The following TMEM108 variants were observed in gnomAD, a reference collection of about 807,000 sequenced individuals.
The protein encoded by TMEM108 is cancer/testis antigen 124.
A neutral mutation model predicts 35.1 loss-of-function variants in TMEM108; 12 were observed. That is an observed-to-expected ratio of 0.34 (90% confidence interval 0.22 to 0.55). The LOEUF (loss-of-function observed/expected upper bound fraction) is 0.55, where lower values mean the gene tolerates loss of function less well. TMEM108 is among the 20% of genes least tolerant of loss of function. The pLI is 0.89. For missense variants in TMEM108, 680 were observed against 753.3 expected, an observed-to-expected ratio of 0.90 and a Z score of 1.14; for synonymous variants, 287 against 308.6, an observed-to-expected ratio of 0.93 and a Z score of 0.73.
chr3:133,201,178 G>A (rs77976206), intron 2 of TMEM108, among the ~76,000 whole-genome samples: 2,284 of 152,160 alleles, frequency 0.015, 75 homozygotes, highest in African/African-American at 0.051. Context: ...TATATCCACA[G>A]CTTAAGCCTG....
chr3:133,111,076 A>G (rs1293680810), intron 2 of TMEM108, among the ~76,000 whole-genome samples: 2 of 152,182 alleles, frequency 1.3e-5, no homozygotes, highest in Non-Finnish European at 2.9e-5. Context: ...ATGTGTGCTC[A>G]TATCCTGTCT....
chr3:133,293,015 G>C (rs1461590006), intron 3 of TMEM108, among the ~76,000 whole-genome samples: 1 of 152,176 alleles, frequency 6.6e-6, no homozygotes, highest in Non-Finnish European at 1.5e-5. Flanking sequence ...TGAGAGAAAA[G>C]AGTAACATTC....
chr3:133,134,011 C>G (rs1469367548), intron 2 of TMEM108, among the ~76,000 whole-genome samples: 1 of 151,998 alleles, frequency 6.6e-6, no homozygotes, highest in Non-Finnish European at 1.5e-5. Flanking sequence ...ATCCACCCAC[C>G]TCAGCCTCCC....
intron 3 of TMEM108, among the ~76,000 whole-genome samples, chr3:133,344,001 C>G (rs985832209): frequency 2.0e-5 from 3 of 151,814 alleles, no homozygotes; most frequent in African/African-American, 7.2e-5. Context: ...AGTGCCATCC[C>G]CCTGCACTCT....
chr3:133,172,715 G>T (rs1945148115), intron 2 of TMEM108, among the ~76,000 whole-genome samples: 1 of 152,176 alleles, frequency 6.6e-6, no homozygotes, highest in African/African-American at 2.4e-5. Flanking sequence ...AAAAGGACTT[G>T]CAATCTGATT....
chr3:133,259,703 C>T (rs993384618), intron 3 of TMEM108, among the ~76,000 whole-genome samples: 13 of 152,114 alleles, frequency 8.5e-5, no homozygotes, highest in African/African-American at 2.9e-4. Flanking sequence ...CTTTGGGTCC[C>T]GATACAGGGC....
intron 2 of TMEM108, among the ~76,000 whole-genome samples, chr3:133,148,211 A>T (rs767393594): frequency 6.6e-6 from 1 of 152,172 alleles, no homozygotes; most frequent in African/African-American, 2.4e-5. Flanking sequence ...TGATTCTAAG[A>T]CTGGGAGAGG....
intron 2 of TMEM108, among the ~76,000 whole-genome samples, chr3:133,223,069 A>G (rs112872244): frequency 2.1e-4 from 32 of 152,254 alleles, no homozygotes; most frequent in African/African-American, 6.5e-4. Flanking sequence ...TTTGTTAGGC[A>G]GTTTATAAGT....
chr3:133,116,272 T>C (rs1944286929), intron 2 of TMEM108, among the ~76,000 whole-genome samples: 1 of 152,348 alleles, frequency 6.6e-6, no homozygotes, highest in East Asian at 1.9e-4. Flanking sequence ...GTAAATTTGA[T>C]GTTTGCCCTT....
chr3:133,209,097 G>A (rs1035441905), intron 2 of TMEM108, among the ~76,000 whole-genome samples: 4 of 152,160 alleles, frequency 2.6e-5, no homozygotes, highest in African/African-American at 9.7e-5. Context: ...AGGCTGAAGT[G>A]CAGTGGCACA....
chr3:133,040,624 C>T (rs950043264), intron 1 of TMEM108, among the ~76,000 whole-genome samples: 5 of 152,082 alleles, frequency 3.3e-5, no homozygotes, highest in South Asian at 2.1e-4. Context: ...TTCCATAAAC[C>T]GCAAAGGGTA....
chr3:133,283,807 GCTGT>G (rs1165689988), intron 3 of TMEM108, among the ~76,000 whole-genome samples: 7 of 152,218 alleles, frequency 4.6e-5, no homozygotes, highest in African/African-American at 7.2e-5. Flanking sequence ...GTCTGGTGTT[GCTGT>G]CTGTGTTTTT....
intron 2 of TMEM108, among the ~76,000 whole-genome samples, chr3:133,102,647 A>ATTTTCATTT (rs1944102671): frequency 6.6e-6 from 1 of 152,224 alleles, no homozygotes; most frequent in South Asian, 2.1e-4. Flanking sequence ...TATTGGATAA[A>ATTTTCATTT]TGAAAATGAA....
chr3:133,063,562 T>G (rs1943559610), intron 2 of TMEM108, among the ~76,000 whole-genome samples: 2 of 151,878 alleles, frequency 1.3e-5, no homozygotes, highest in Non-Finnish European at 1.5e-5. Context: ...GAATGGTGGG[T>G]GATAGGGTCA....
intron 2 of TMEM108, among the ~76,000 whole-genome samples, chr3:133,096,119 C>T (rs1944011973): frequency 6.6e-6 from 1 of 152,092 alleles, no homozygotes; most frequent in African/African-American, 2.4e-5. Flanking sequence ...GGGCAGTGTT[C>T]AAAGGCTCAC....
At chr3:133,096,786 A>T (rs1944020710) in intron 2 of TMEM108, among the ~76,000 whole-genome samples, 1 of 152,256 alleles carries the variant, frequency 6.6e-6, no homozygotes, top group Non-Finnish European at 1.5e-5. Flanking sequence ...TATCTAAATA[A>T]TTTGGTATAA....
intron 3 of TMEM108, among the ~76,000 whole-genome samples, chr3:133,326,804 G>T (rs2071338816): frequency 6.6e-6 from 1 of 152,184 alleles, no homozygotes; most frequent in Admixed American, 6.5e-5. Flanking sequence ...ATTACTAACT[G>T]TGGAGCCTTT....
rs542884114 is a variant in TMEM108 at position 133,179,662 on chromosome 3, G to C, written c.-46-49604G>C. On this transcript the variant is annotated intron_variant, in intron 2 of 5. Transcript: ENST00000321871. The stretch of plus-strand genomic sequence containing the variant: ...CACACACTGGGGCCTGTTGTGGGGT[G>C]GGGGGAGTGGGGAGGGATAGCATTG... 6.6e-5 allele frequency among the ~76,000 whole-genome samples: 10 copies of C among 152,144 alleles called. No individual in the cohort carries two copies. The East Asian group carries it at 1.2e-3, about 18-fold the overall frequency.
At chr3:133,174,058 T>C (rs1945171720) in intron 2 of TMEM108, among the ~76,000 whole-genome samples, 1 of 152,238 alleles carries the variant, frequency 6.6e-6, no homozygotes, top group Non-Finnish European at 1.5e-5. Context: ...GAGGGTCCTA[T>C]TCCCACGGAG....
Sources: gnomAD v4.1 joint callset for allele counts (sites outside exome capture counted in the v4.1 genomes callset) on GRCh38, gnomAD v4.1.1 for gene constraint, MANE v1.5 for transcripts, NCBI Gene and HGNC (gene_info 2026-07-23, HGNC 2026-07-21) for gene names.